C8A: variants seen among roughly 807,000 people sequenced by gnomAD.
C8A encodes the protein complement component C8 alpha chain.
In C8A, 67 loss-of-function variants were observed where a neutral mutation model predicts 65.3. The observed-to-expected ratio is 1.03, with a 90% CI of 0.84 to 1.26. The LOEUF (loss-of-function observed/expected upper bound fraction) is 1.26, where lower values mean the gene tolerates loss of function less well. Ranked by LOEUF, C8A falls within the 50% of genes most tolerant of loss-of-function variation. The probability of loss-of-function intolerance (pLI) is 0.00; values close to 1 mark genes in which losing one functional copy is unlikely to be tolerated. For missense variants in C8A, 781 were observed against 723.9 expected, an observed-to-expected ratio of 1.08 and a Z score of -0.90; for synonymous variants, 290 against 259.4, an observed-to-expected ratio of 1.12 and a Z score of -1.13.
At chr1:56,902,544 C>G (rs1380502756) in intron 7 of C8A, among the ~76,000 whole-genome samples, 1 of 152,142 alleles carries the variant, frequency 6.6e-6, no homozygotes, top group Admixed American at 6.5e-5. Flanking sequence ...TCTTAGCCAA[C>G]TTTAACAGTA....
At chr1:56,909,446 C>CA (rs1433136669) in intron 9 of C8A, among the ~76,000 whole-genome samples, 1 of 152,156 alleles carries the variant, frequency 6.6e-6, no homozygotes, top group Non-Finnish European at 1.5e-5. Flanking sequence ...AGTAAGAGAC[C>CA]ATTTTCATGC....
chr1:56,859,235 TACC>T (rs1371933444), intron 1 of C8A, among the ~76,000 whole-genome samples: 1 of 152,244 alleles, frequency 6.6e-6, no homozygotes, highest in African/African-American at 2.4e-5. Context: ...TAGTACTTCC[TACC>T]ACCACAGGGT....
At position 56,863,057 on chromosome 1, in the gene C8A, C is replaced by T. The variant is rs77757730; in HGVS notation, c.78-4552C>T. Among the ~76,000 whole-genome samples the T allele has an allele frequency of 2.5e-3, 387 of 152,130 alleles. 3 individuals carry two copies. Among genetic ancestry groups the T allele is most frequent in the African/African-American group, 9.0e-3 (372 of 41,494 alleles). ...TTACCATAAATAGTTTATGTTTCTG[C>T]TCTATTATTAAGTGGAAGAATCAGG... On this transcript the variant is annotated intron_variant, in intron 1 of 10. Coordinates refer to ENST00000361249, the MANE Select transcript of C8A (RefSeq NM_000562.3).
At chr1:56,908,241 T>A in intron 9 of C8A, 128 bp downstream of exon 9, 1 of 1,094,298 alleles carries the variant, frequency 9.1e-7, no homozygotes, top group Non-Finnish European at 1.4e-6. Context: ...CACACTGAAC[T>A]AGTGGCCTTG....
chr1:56,875,298 T>G (rs1161414260), intron 3 of C8A, among the ~76,000 whole-genome samples: 1 of 152,204 alleles, frequency 6.6e-6, no homozygotes, highest in Non-Finnish European at 1.5e-5. Flanking sequence ...TAGGAACATC[T>G]GTTGATTCAT....
In C8A at chr1:56,903,523, G is replaced by A. The variant is rs188677532; in HGVS notation, c.1097-3144G>A. ...GCATGAGAATGGACTAATACACTTG[G>A]TCAGTGTATCCACCCAGCCTTTTGA... is the stretch of plus-strand genomic sequence containing the variant. On this transcript the variant is annotated intron_variant, in intron 7 of 10. Coordinates refer to ENST00000361249, the MANE Select transcript of C8A (RefSeq NM_000562.3). Among the ~76,000 whole-genome samples, 9 of 152,276 alleles carry A rather than the reference G, an allele frequency of 5.9e-5. No homozygotes were observed. In the East Asian group the frequency reaches 1.7e-3, roughly 29 times the overall value.
intron 8 of C8A, 22 bp from the exon 9 acceptor site, chr1:56,907,934 C>T: frequency 6.2e-7 from 1 of 1,613,902 alleles, no homozygotes. Context: ...TGAGTTAATG[C>T]AGTTTATCCT....
chr1:56,894,973 T>G (rs914863661), intron 7 of C8A, among the ~76,000 whole-genome samples: 2 of 152,196 alleles, frequency 1.3e-5, no homozygotes, highest in Non-Finnish European at 2.9e-5. Flanking sequence ...TAATAACATC[T>G]ACTATTTGTA....
intron 4 of C8A, among the ~76,000 whole-genome samples, chr1:56,877,285 A>G (rs1644207453): frequency 1.3e-5 from 2 of 152,028 alleles, no homozygotes; most frequent in South Asian, 4.1e-4. Flanking sequence ...CCTGCAGACT[A>G]GTACACCGAG....
At position 56,883,614 on chromosome 1, in the gene C8A, T is replaced by C. The variant is rs1411739150; in HGVS notation, c.788T>C (p.Val263Ala). Reference protein sequence around the residue: ...GIGPAGSPLLVGVGVSHSQDT... With the variant: ...GIGPAGSPLLAGVGVSHSQDT... Reference sequence around the variant, plus strand: ...GGCCCAGCCGGCAGCCCTTTATTGGTGGGTGTAGGTGTATCCCACTCACAA... The same window carrying C: ...GGCCCAGCCGGCAGCCCTTTATTGGCGGGTGTAGGTGTATCCCACTCACAA... The change falls in exon 6 of 11, where the codon GTG becomes GCG. Residue 263 changes from valine to alanine, a missense_variant. By Grantham distance (64) the Val-to-Ala change is moderately conservative (BLOSUM62 0). Coordinates refer to ENST00000361249, the MANE Select transcript of C8A (RefSeq NM_000562.3). 1 of 1,613,878 alleles carries C rather than the reference T, an allele frequency of 6.2e-7. No individual in the cohort carries two copies. Among genetic ancestry groups the C allele is most frequent in the East Asian group, 2.2e-5 (1 of 44,854 alleles).
intron 7 of C8A, among the ~76,000 whole-genome samples, chr1:56,898,230 G>T (rs961096685): frequency 2.6e-5 from 4 of 152,122 alleles, no homozygotes; most frequent in Admixed American, 1.3e-4. Context: ...GCTGGATTAT[G>T]CCAGGAATAG....
chr1:56,904,013 G>A (rs1319436848), intron 7 of C8A, among the ~76,000 whole-genome samples: 1 of 152,182 alleles, frequency 6.6e-6, no homozygotes, highest in African/African-American at 2.4e-5. Context: ...TGGAGCAATG[G>A]CAGAGGATTG....
Position 56,917,564 on chromosome 1 carries a change from G to A in C8A, c.1604-1G>A. 1 of 1,614,164 alleles carries A rather than the reference G, an allele frequency of 6.2e-7. No individual in the cohort carries two copies. Among genetic ancestry groups the A allele is most frequent in the African/African-American group, 1.3e-5 (1 of 75,054 alleles). ...TCCTCCCTGGGAAATTTCCTCTGCA[G>A]GAGCCAAAGCAGATGGGAGCTGGAG... On this transcript the variant is annotated splice_acceptor_variant, in intron 10 of 10. Coordinates refer to ENST00000361249, the MANE Select transcript of C8A (RefSeq NM_000562.3). LOFTEE classifies it high-confidence loss of function.
chr1:56,913,579 T>C (rs1644527470), intron 10 of C8A, among the ~76,000 whole-genome samples: 1 of 152,212 alleles, frequency 6.6e-6, no homozygotes, highest in Non-Finnish European at 1.5e-5. Context: ...GGGCTTAGCT[T>C]TCTCATCTAT....
chr1:56,869,775 A>T (rs1476496169), intron 2 of C8A, among the ~76,000 whole-genome samples: 2 of 152,138 alleles, frequency 1.3e-5, no homozygotes, highest in Non-Finnish European at 2.9e-5. Context: ...TTTAATAATT[A>T]TCTGTGCTTT....
intron 6 of C8A, among the ~76,000 whole-genome samples, chr1:56,885,341 CATAAATATATATTTAT>C (rs1168554722): frequency 0.15 from 17,519 of 120,210 alleles, 2,134 homozygotes; most frequent in East Asian, 0.32. Flanking sequence ...TATATATTTA[CATAAATATATATTTAT>C]GTAAATATAT....
chr1:56,857,601 A>G (rs1643990886), intron 1 of C8A, among the ~76,000 whole-genome samples: 1 of 152,066 alleles, frequency 6.6e-6, no homozygotes. Context: ...TCTTTTGATT[A>G]TAGTAATTAG....
intron 1 of C8A, among the ~76,000 whole-genome samples, chr1:56,858,178 A>C (rs1183966211): frequency 1.3e-5 from 2 of 152,148 alleles, no homozygotes; most frequent in African/African-American, 4.8e-5. Context: ...ATGTTCTTGT[A>C]TGCTGATTCC....
chr1:56,878,425 C>A (rs1230968561), intron 4 of C8A, among the ~76,000 whole-genome samples: 1 of 152,106 alleles, frequency 6.6e-6, no homozygotes, highest in Non-Finnish European at 1.5e-5. Context: ...GAAAAATAAT[C>A]CCTTCCTTAT....
Sources: allele counts gnomAD v4.1 joint callset (sites outside exome capture counted in the v4.1 genomes callset), GRCh38; gene constraint gnomAD v4.1.1; transcripts MANE v1.5; gene names NCBI Gene and HGNC (gene_info 2026-07-23, HGNC 2026-07-21).